COL14A1: variants seen among roughly 807,000 people sequenced by gnomAD.
COL14A1 encodes the protein collagen alpha-1(XIV) chain.
A neutral mutation model predicts 230.3 loss-of-function variants in COL14A1; 136 were observed. That is an observed-to-expected ratio of 0.59 (90% confidence interval 0.51 to 0.68). COL14A1 has a LOEUF of 0.68. Among genes scored for constraint, COL14A1 ranks in the 30% least tolerant of loss-of-function variants. The pLI is 0.00. For missense variants in COL14A1, 1,976 were observed against 2,215.8 expected (o/e 0.89, Z 2.17); for synonymous variants, 792 against 784.1 (o/e 1.01, Z -0.17).
chr8:120,321,937 G>A (rs1210519920), intron 40 of COL14A1, among the ~76,000 whole-genome samples: 4 of 152,008 alleles, frequency 2.6e-5, no homozygotes, highest in Non-Finnish European at 5.9e-5. Flanking sequence ...GCTAGGTTTT[G>A]GAATTGCTAG....
chr8:120,249,721 A>T (rs530732434), intron 21 of COL14A1, among the ~76,000 whole-genome samples: 2 of 152,244 alleles, frequency 1.3e-5, no homozygotes, highest in South Asian at 4.1e-4. Context: ...AGAATAAATA[A>T]TTTTTCAGTT....
At chr8:120,218,430 C>T (rs1210708767) in intron 14 of COL14A1, among the ~76,000 whole-genome samples, 1 of 151,490 alleles carries the variant, frequency 6.6e-6, no homozygotes, top group African/African-American at 2.4e-5. Context: ...TTGGCTCAGC[C>T]TCCTGAGTAG....
At chr8:120,176,908 T>C (rs908420435) in intron 5 of COL14A1, among the ~76,000 whole-genome samples, 5 of 152,162 alleles carry the variant, frequency 3.3e-5, no homozygotes, top group African/African-American at 7.2e-5. Flanking sequence ...ATAATTATTA[T>C]TATCTAGATA....
chr8:120,247,587 T>C, intron 20 of COL14A1, 26 bp from the exon 21 acceptor site: 1 of 1,602,210 alleles, frequency 6.2e-7, no homozygotes, highest in Non-Finnish European at 8.5e-7. Context: ...ACTGAATCCC[T>C]GTTTTTCCTT....
chr8:120,316,604 T>G (rs908062205), intron 40 of COL14A1, among the ~76,000 whole-genome samples: 1 of 152,130 alleles, frequency 6.6e-6, no homozygotes, highest in East Asian at 1.9e-4. Flanking sequence ...AATAAGAAAC[T>G]TTTATTACAT....
chr8:120,248,027 A>G (rs1818817290), intron 21 of COL14A1, among the ~76,000 whole-genome samples: 1 of 152,174 alleles, frequency 6.6e-6, no homozygotes, highest in Non-Finnish European at 1.5e-5. Flanking sequence ...CCAGGAACCA[A>G]TCTAAGGAAA....
chr8:120,292,767 A>G (rs1820411055), intron 34 of COL14A1, among the ~76,000 whole-genome samples: 2 of 152,124 alleles, frequency 1.3e-5, no homozygotes, highest in African/African-American at 4.8e-5. Context: ...GCCAAATCCA[A>G]CAATTATTCA....
At position 120,199,585 on chromosome 8, in the gene COL14A1, CT is replaced by C; in HGVS notation, c.877+21del. ...GCCATAGGTATGTGCTCTTTATAGT[CT>C]TGTTTCAACTAAGGGCATAGACCCA... On this transcript the variant is annotated intron_variant, in intron 8 of 47. Transcript: ENST00000297848. The C allele has an allele frequency of 6.2e-7, 1 of 1,601,016 alleles. No homozygotes were observed. The highest frequency in any genetic ancestry group is 1.1e-5 in the South Asian group (1 of 88,076).
In COL14A1 at chr8:120,323,269, T is replaced by C. The variant is rs537446830; in HGVS notation, c.4659+7272T>C. Among the ~76,000 whole-genome samples the C allele has an allele frequency of 1.2e-4, 18 of 152,288 alleles. No individual in the cohort carries two copies. In the South Asian group the frequency reaches 3.5e-3, roughly 30 times the overall value. On this transcript the variant is annotated intron_variant, in intron 40 of 47. Transcript: ENST00000297848. ...TGCCTACTTTTTAATGGAGTTGTTTTTTTTTCTTGCAAGTTTGTTTAAGTC... is the reference window on the plus strand; with the variant it reads ...TGCCTACTTTTTAATGGAGTTGTTTCTTTTTCTTGCAAGTTTGTTTAAGTC...
chr8:120,340,037 CAAAAA>C (rs530829054), intron 42 of COL14A1, among the ~76,000 whole-genome samples: 4 of 77,734 alleles, frequency 5.1e-5, no homozygotes, highest in East Asian at 3.8e-4. Flanking sequence ...GACTGCGTCT[CAAAAA>C]AAAAAAAAAA....
chr8:120,297,428 G>A, intron 34 of COL14A1, 83 bp from the exon 35 acceptor site: 1 of 658,188 alleles, frequency 1.5e-6, no homozygotes, highest in Non-Finnish European at 2.3e-6. Flanking sequence ...TTGGTATTCT[G>A]TTATATAATA....
At chr8:120,273,991 A>G (rs1490778440) in intron 26 of COL14A1, among the ~76,000 whole-genome samples, 2 of 151,776 alleles carry the variant, frequency 1.3e-5, no homozygotes, top group Non-Finnish European at 3.0e-5. Context: ...TGAAGCCAGT[A>G]TTACCTGATA....
chr8:120,341,335 G>A lies in COL14A1; in HGVS notation c.4796G>A (p.Gly1599Glu). 6.2e-7 allele frequency: 1 copy of A among 1,614,124 alleles called. No homozygotes were observed. The highest frequency in any genetic ancestry group is 1.1e-5 in the South Asian group (1 of 91,062). ...QGALGPPGVP[G>E]AKGERGERGD... ...TTTCCATTTATACAGGGTGTCCCTG[G>A]AGCAAAGGGGGAACGAGGAGAGCGG... Residue 1599 changes from glycine (G) to glutamate (E), a missense_variant, in exon 43 of 48, where the codon GGA becomes GAA. Physicochemically the swap from Gly to Glu is moderately conservative, Grantham distance 98. This residue lies in a region of COL14A1 where 1,791 missense variants were observed against 2,019.5 expected (regional missense o/e 0.89). Coordinates refer to ENST00000297848, the MANE Select transcript of COL14A1 (RefSeq NM_021110.4).
At chr8:120,248,294 C>G (rs1818825213) in intron 21 of COL14A1, among the ~76,000 whole-genome samples, 1 of 152,062 alleles carries the variant, frequency 6.6e-6, no homozygotes, top group Non-Finnish European at 1.5e-5. Context: ...GCCTCTACCT[C>G]CCACATCATT....
intron 31 of COL14A1, among the ~76,000 whole-genome samples, chr8:120,281,858 G>A (rs1446165066): frequency 6.6e-6 from 1 of 152,172 alleles, no homozygotes; most frequent in Non-Finnish European, 1.5e-5. Flanking sequence ...TTATCTTTGA[G>A]ACAGTCACAA....
At chr8:120,180,822 T>G (rs939851351) in intron 5 of COL14A1, among the ~76,000 whole-genome samples, 1 of 150,536 alleles carries the variant, frequency 6.6e-6, no homozygotes, top group Admixed American at 6.7e-5. Context: ...ATTCTCCTGC[T>G]GCAGCCTCCT....
intron 9 of COL14A1, among the ~76,000 whole-genome samples, chr8:120,205,846 C>T (rs1817413163): frequency 6.6e-6 from 1 of 152,148 alleles, no homozygotes; most frequent in Admixed American, 6.5e-5. Context: ...TTATTAAAGT[C>T]CCTTTGAGTA....
At chr8:120,162,394 T>C (rs781536346) in intron 3 of COL14A1, 32 bp from the exon 4 acceptor site, 7 of 1,569,962 alleles carry the variant, frequency 4.5e-6, no homozygotes, top group Non-Finnish European at 6.0e-6. Context: ...CCTTATTTCT[T>C]AGAACTGATT....
At chr8:120,345,311 C>A in intron 44 of COL14A1, 64 bp from the exon 45 acceptor site, 2 of 1,442,522 alleles carry the variant, frequency 1.4e-6, no homozygotes, top group Non-Finnish European at 1.9e-6. Flanking sequence ...CAAATGACAC[C>A]CCTGGTCCTC....
Sources: allele counts gnomAD v4.1 joint callset (sites outside exome capture counted in the v4.1 genomes callset), GRCh38; gene constraint gnomAD v4.1.1; regional missense constraint gnomAD v4.1.1; transcripts MANE v1.5; gene names NCBI Gene and HGNC (gene_info 2026-07-23, HGNC 2026-07-21).